Variants in CDH12 observed in about 807,000 individuals in gnomAD.
CDH12 encodes the protein cadherin-12.
A neutral mutation model predicts 74.1 loss-of-function variants in CDH12; 41 were observed. The ratio of observed to expected loss-of-function variants is 0.55; its 90% CI spans 0.43 to 0.72. The LOEUF is 0.72. Among genes scored for constraint, CDH12 ranks in the 30% least tolerant of loss-of-function variants. The pLI is 0.00. For missense variants in CDH12, 945 were observed against 977.2 expected (o/e 0.97, Z 0.44); for synonymous variants, 399 against 355.0 (o/e 1.12, Z -1.39).
chr5:21,957,957 C>A (rs1035171674), intron 6 of CDH12, among the ~76,000 whole-genome samples: 2 of 152,016 alleles, frequency 1.3e-5, no homozygotes, highest in Non-Finnish European at 2.9e-5. Context: ...GTGTCCCCAC[C>A]CAAATCTCAT....
intron 4 of CDH12, among the ~76,000 whole-genome samples, chr5:22,203,145 T>C (rs1751017296): frequency 1.3e-5 from 2 of 152,196 alleles, no homozygotes; most frequent in Admixed American, 6.5e-5. Flanking sequence ...TTTTGAAATA[T>C]ATGTTATATT....
Position 21,752,161 on chromosome 5 carries a change from C to G in CDH12, c.1961G>C (p.Arg654Thr). The G allele has an allele frequency of 1.2e-6, 2 of 1,614,052 alleles. No individual in the cohort carries two copies. The highest frequency in any genetic ancestry group is 1.7e-6 in the Non-Finnish European group (2 of 1,179,972). ...ATCATCGTAATGGATGACGTTGTCT[C>G]TGATGTCTTCTTTAGAGGTCATCAG... ...DTLMTSKEDI[R>T]DNVIHYDDEG... Residue 654 changes from arginine to threonine, a missense_variant, in exon 15 of 15, where the codon AGA (arginine) becomes ACA (threonine). Around this residue, in one of 3 missense-constraint regions of CDH12, gnomAD observed 791 missense variants for 792.8 expected, o/e 1.00. Coordinates refer to ENST00000382254, the MANE Select transcript of CDH12 (RefSeq NM_004061.5).
At chr5:21,816,808 C>A (rs1350250052) in intron 9 of CDH12, 137 bp downstream of exon 9, 2 of 534,428 alleles carry the variant, frequency 3.7e-6, no homozygotes, top group East Asian at 6.8e-5. Flanking sequence ...ATCAGTACCC[C>A]AACTCTCACA....
intron 2 of CDH12, among the ~76,000 whole-genome samples, chr5:22,409,127 A>G (rs918784500): frequency 6.6e-6 from 1 of 152,102 alleles, no homozygotes; most frequent in East Asian, 1.9e-4. Context: ...TAAGATAGTA[A>G]AAGTCTCATA....
intron 8 of CDH12, among the ~76,000 whole-genome samples, chr5:21,822,754 T>C (rs1485435254): frequency 6.6e-6 from 1 of 152,146 alleles, no homozygotes. Flanking sequence ...TGAGATGTTA[T>C]ATTTGCCCAT....
intron 4 of CDH12, among the ~76,000 whole-genome samples, chr5:22,163,769 G>T (rs1748500065): frequency 6.6e-6 from 1 of 152,022 alleles, no homozygotes; most frequent in South Asian, 2.1e-4. Context: ...AATTTCAAGG[G>T]TACATATAAA....
chr5:22,698,000 G>A (rs1186754016), intron 1 of CDH12, among the ~76,000 whole-genome samples: 6 of 151,854 alleles, frequency 4.0e-5, no homozygotes, highest in Admixed American at 3.9e-4. Flanking sequence ...TTTCTACTGT[G>A]AAAGTCACCT....
chr5:22,612,250 C>T (rs1465417731), intron 1 of CDH12, among the ~76,000 whole-genome samples: 1 of 152,058 alleles, frequency 6.6e-6, no homozygotes, highest in Admixed American at 6.6e-5. Flanking sequence ...AAATAATGCT[C>T]ATCATTTACA....
At chr5:22,036,197 T>C (rs1362110758) in intron 5 of CDH12, among the ~76,000 whole-genome samples, 1 of 152,208 alleles carries the variant, frequency 6.6e-6, no homozygotes, top group Non-Finnish European at 1.5e-5. Flanking sequence ...ATATCAATTT[T>C]TTTAGCCTTG....
At chr5:22,236,507 C>A (rs569472817) in intron 3 of CDH12, among the ~76,000 whole-genome samples, 54 of 151,782 alleles carry the variant, frequency 3.6e-4, no homozygotes, top group Admixed American at 1.2e-3. Flanking sequence ...CCGAGGTGGG[C>A]AGATCACTTA....
intron 6 of CDH12, among the ~76,000 whole-genome samples, chr5:21,924,166 T>C (rs1754482566): frequency 6.6e-6 from 1 of 152,172 alleles, no homozygotes; most frequent in Admixed American, 6.5e-5. Flanking sequence ...TGCACTTTTT[T>C]CCCTGTTGAA....
intron 3 of CDH12, among the ~76,000 whole-genome samples, chr5:22,382,351 C>CTA (rs141460204): frequency 4.7e-5 from 7 of 150,062 alleles, no homozygotes; most frequent in Middle Eastern, 3.5e-3. Context: ...ATTTCTCTTG[C>CTA]TATATATATA....
At chr5:22,654,640 T>C (rs1376474201) in intron 1 of CDH12, among the ~76,000 whole-genome samples, 5 of 150,244 alleles carry the variant, frequency 3.3e-5, no homozygotes, top group Middle Eastern at 3.4e-3. Context: ...TTTTTTTTGT[T>C]GTTGTTGTTG....
chr5:22,033,607 G>T (rs6897994), intron 5 of CDH12, among the ~76,000 whole-genome samples: 53,106 of 152,112 alleles, frequency 0.35, 11,447 homozygotes, highest in Non-Finnish European at 0.47. Context: ...AAATGCCTCT[G>T]CAAGAAATCT....
intron 6 of CDH12, among the ~76,000 whole-genome samples, chr5:21,924,600 T>A (rs988567766): frequency 1.3e-5 from 2 of 152,222 alleles, no homozygotes; most frequent in African/African-American, 4.8e-5. Context: ...CTGTCTAAGT[T>A]CTAGTAAGTC....
intron 6 of CDH12, among the ~76,000 whole-genome samples, chr5:21,934,359 T>A (rs901814964): frequency 6.6e-6 from 1 of 152,196 alleles, no homozygotes; most frequent in African/African-American, 2.4e-5. Flanking sequence ...CATGAGCATA[T>A]GTATGTTATT....
chr5:22,472,223 A>G (rs989361495), intron 2 of CDH12, among the ~76,000 whole-genome samples: 1 of 152,166 alleles, frequency 6.6e-6, no homozygotes, highest in African/African-American at 2.4e-5. Context: ...AAGACAGGAA[A>G]GAAGTAAGGT....
intron 1 of CDH12, among the ~76,000 whole-genome samples, chr5:22,582,277 T>C (rs1461807372): frequency 6.8e-6 from 1 of 147,130 alleles, no homozygotes; most frequent in African/African-American, 2.4e-5. Flanking sequence ...ATTTTATCTA[T>C]GCTTTTTTGG....
At chr5:22,761,219 C>T (rs1404562058) in intron 1 of CDH12, among the ~76,000 whole-genome samples, 1 of 152,168 alleles carries the variant, frequency 6.6e-6, no homozygotes, top group African/African-American at 2.4e-5. Context: ...TGCCACCCAG[C>T]TTTTCATGAA....
Sources: allele counts gnomAD v4.1 joint callset (sites outside exome capture counted in the v4.1 genomes callset), GRCh38; gene constraint gnomAD v4.1.1; regional missense constraint gnomAD v4.1.1; transcripts MANE v1.5; gene names NCBI Gene and HGNC (gene_info 2026-07-23, HGNC 2026-07-21).